The following ELMO2 variants were observed in gnomAD, a reference collection of about 807,000 sequenced individuals.
ELMO2 encodes the protein engulfment and cell motility 2.
ELMO2 carries 37 observed loss-of-function variants against 96.2 expected under a neutral mutation model. That is an observed-to-expected ratio of 0.38 (90% CI 0.30 to 0.51). ELMO2 has a LOEUF of 0.51. ELMO2 is among the 20% of genes least tolerant of loss of function. The pLI is 0.88. For missense variants in ELMO2, 561 were observed against 912.6 expected, an observed-to-expected ratio of 0.61 and a Z score of 4.96; for synonymous variants, 315 against 329.4, an observed-to-expected ratio of 0.96 and a Z score of 0.47.
rs2059697211 is a variant in ELMO2, at chr20:46,371,240, C to T, written c.1801+112G>A. The T allele has an allele frequency of 2.8e-6, 3 of 1,065,422 alleles. No individual in the cohort carries two copies. Among genetic ancestry groups the T allele is most frequent in the Non-Finnish European group, 2.8e-6 (2 of 717,766 alleles). The allele number at this position is 1,065,422 out of a possible 1,614,324, so 66.0% of individuals were successfully genotyped here. On this transcript the variant is annotated intron_variant, in intron 19 of 21. Transcript: ENST00000290246. This position sits in a 1 kb window ranked among gnomAD's most constrained non-coding sequence, Gnocchi z 5.9. Reference sequence around the variant, plus strand: ...TCGCTGACAGATAAGGAAACAGGTCCAGAGAGGTAACAGGTACAAGCCCAG... The same window carrying T: ...TCGCTGACAGATAAGGAAACAGGTCTAGAGAGGTAACAGGTACAAGCCCAG...
chr20:46,373,697 C>T (rs2059783804), intron 15 of ELMO2, among the ~76,000 whole-genome samples, 162 bp from the exon 16 acceptor site: 1 of 152,126 alleles, frequency 6.6e-6, no homozygotes, highest in African/African-American at 2.4e-5. Flanking sequence ...CCTTAGCTTT[C>T]TTCTCCAGGG....
intron 1 of ELMO2, among the ~76,000 whole-genome samples, chr20:46,404,133 A>C (rs951932501): frequency 1.3e-5 from 2 of 152,186 alleles, no homozygotes; most frequent in African/African-American, 4.8e-5. Flanking sequence ...TAGTATTCTC[A>C]GCACCTCTGA....
Position 46,406,566 on chromosome 20 carries a change from C to G in ELMO2, c.-144G>C, listed in dbSNP as rs1255985831. 1 of 152,852 alleles carries G rather than the reference C, an allele frequency of 6.5e-6. No individual in the cohort carries two copies. The highest frequency in any genetic ancestry group is 2.4e-5 in the African/African-American group (1 of 41,472). The allele number at this position is 152,852 out of a possible 1,614,324, so 9.5% of individuals were successfully genotyped here. On this transcript the variant is annotated 5_prime_UTR_variant, in exon 1 of 22. Coordinates refer to ENST00000290246, the MANE Select transcript of ELMO2 (RefSeq NM_133171.5). ...CACTCACCAGGGCGCAGACCTAGGC[C>G]CAGCTCCTGCTCCCGGGTCTCCGCT...
chr20:46,394,250 C>T (rs1040784567), intron 3 of ELMO2, among the ~76,000 whole-genome samples, 155 bp downstream of exon 3: 1 of 152,230 alleles, frequency 6.6e-6, no homozygotes, highest in Non-Finnish European at 1.5e-5. Context: ...CCATGGTGAC[C>T]GACCTTCCCT....
At chr20:46,389,306 G>T in intron 6 of ELMO2, 86 bp from the exon 7 acceptor site, 1 of 1,399,470 alleles carries the variant, frequency 7.1e-7, no homozygotes. Flanking sequence ...CCCTTCTGTG[G>T]ACATCCAAAC....
At chr20:46,404,617 A>G (rs1352911345) in intron 1 of ELMO2, among the ~76,000 whole-genome samples, 1 of 152,218 alleles carries the variant, frequency 6.6e-6, no homozygotes, top group Non-Finnish European at 1.5e-5. Context: ...AGTGTGTGAC[A>G]CTGTACAGCC....
At chr20:46,369,696 G>A (rs1342230318) in intron 20 of ELMO2, 2 of 156,280 alleles carry the variant, frequency 1.3e-5, no homozygotes, top group Non-Finnish European at 2.8e-5. Context: ...CACTGGCCAG[G>A]AAAAAAGTTA....
At chr20:46,401,016 C>T (rs1055296875) in intron 1 of ELMO2, among the ~76,000 whole-genome samples, 1 of 152,156 alleles carries the variant, frequency 6.6e-6, no homozygotes, top group African/African-American at 2.4e-5. Context: ...TCCCCCTATT[C>T]CTTTCAGGAT....
intron 21 of ELMO2, among the ~76,000 whole-genome samples, chr20:46,368,481 A>G (rs966722537): frequency 6.6e-6 from 1 of 151,972 alleles, no homozygotes; most frequent in Non-Finnish European, 1.5e-5. Context: ...GAAACTGAAA[A>G]GGGGAGAATT....
chr20:46,396,656 GCTT>G (rs750495028), intron 2 of ELMO2, among the ~76,000 whole-genome samples: 4 of 152,180 alleles, frequency 2.6e-5, no homozygotes, highest in East Asian at 1.9e-4. Context: ...GTTTAGTTTG[GCTT>G]CTTCTTATTT....
At chr20:46,393,061 G>T in intron 6 of ELMO2, 32 bp downstream of exon 6, 1 of 1,603,318 alleles carries the variant, frequency 6.2e-7, no homozygotes, top group South Asian at 1.1e-5. Flanking sequence ...TTTGTGACAT[G>T]AATAAACTCC....
intron 7 of ELMO2, 31 bp from the exon 8 acceptor site, chr20:46,387,468 G>C (rs1329657805): frequency 6.3e-7 from 1 of 1,575,774 alleles, no homozygotes; most frequent in African/African-American, 1.3e-5. Flanking sequence ...ACACAAAATA[G>C]ACAAAGATTC....
rs1222075627 is a variant in ELMO2, at chr20:46,367,300, A to G, written c.*60T>C. 1 of 1,367,864 alleles carries G rather than the reference A, an allele frequency of 7.3e-7. No homozygotes were observed. The highest frequency in any genetic ancestry group is 9.7e-7 in the Non-Finnish European group (1 of 1,035,710). The allele number at this position is 1,367,864 out of a possible 1,614,324, so 84.7% of individuals were successfully genotyped here. ...AGCAAAAGACAAGGCACCAGAATGT[A>G]AGTGTTTCTCCTGGGCCCAAAATCC... On this transcript the variant is annotated 3_prime_UTR_variant, in exon 22 of 22. Transcript: ENST00000290246.
chr20:46,395,022 T>C (rs1799526637), intron 2 of ELMO2, among the ~76,000 whole-genome samples: 1 of 152,174 alleles, frequency 6.6e-6, no homozygotes, highest in Admixed American at 6.5e-5. Context: ...CACTCATCGA[T>C]GCCACCCCTT....
chr20:46,374,411 G>A lies in ELMO2; in HGVS notation c.1200C>T (p.Asp400=). Residue 400 remains aspartate, a synonymous_variant, in exon 15 of 22, where the codon GAC becomes GAT. Coordinates refer to ENST00000290246, the MANE Select transcript of ELMO2 (RefSeq NM_133171.5). The stretch of plus-strand genomic sequence containing the variant: ...TGCGGCCAAAGGGGCATTCATGTTT[G>A]TCTTCCCGGCTACTGTTCTCCAAGA... The part of the protein sequence containing the change: ...RIVLENSSRE[D]KHECPFGRSA... 1 of 1,614,150 alleles carries A rather than the reference G, an allele frequency of 6.2e-7. No homozygotes were observed. Among genetic ancestry groups the A allele is most frequent in the Non-Finnish European group, 8.5e-7 (1 of 1,180,034 alleles).
chr20:46,374,430 T>C lies in ELMO2; in HGVS notation c.1181A>G (p.Glu394Gly). ...HQDTYIRIVLENSSREDKHEC... is the reference protein window; with the variant it reads ...HQDTYIRIVLGNSSREDKHEC... ...ATGTTTGTCTTCCCGGCTACTGTTC[T>C]CCAAGACAATCTGTCGGGGGAAGAG... The change falls in exon 15 of 22, where the codon GAG (glutamate) becomes GGG (glycine). Residue 394 changes from glutamate to glycine, a missense_variant. By Grantham distance (98) the Glu-to-Gly change is moderately conservative. Coordinates refer to ENST00000290246, the MANE Select transcript of ELMO2 (RefSeq NM_133171.5). The C allele has an allele frequency of 6.2e-7, 1 of 1,614,122 alleles. No individual in the cohort carries two copies.
chr20:46,390,667 T>C (rs1381421117), intron 6 of ELMO2: 1 of 152,246 alleles, frequency 6.6e-6, no homozygotes, highest in African/African-American at 2.4e-5. Flanking sequence ...CTCTGTTTTT[T>C]GGGTGTTAAT....
At chr20:46,378,669 G>A (rs1288105119) in intron 11 of ELMO2, among the ~76,000 whole-genome samples, 1 of 152,218 alleles carries the variant, frequency 6.6e-6, no homozygotes, top group African/African-American at 2.4e-5. Flanking sequence ...TAGAGCAGCT[G>A]ACTGCTCAGC....
intron 9 of ELMO2, 60 bp downstream of exon 9, chr20:46,386,059 TTAAAA>T (rs1206694461): frequency 2.3e-5 from 36 of 1,556,206 alleles, no homozygotes; most frequent in African/African-American, 2.2e-4. Flanking sequence ...ATTGGAAGAC[TTAAAA>T]TAAGAGGAGA....
Sources: allele counts gnomAD v4.1 joint callset (sites outside exome capture counted in the v4.1 genomes callset), GRCh38; gene constraint gnomAD v4.1.1; non-coding constraint Gnocchi (gnomAD v3.1); transcripts MANE v1.5; gene names NCBI Gene and HGNC (gene_info 2026-07-23, HGNC 2026-07-21).